RELN: variants seen among roughly 807,000 people sequenced by gnomAD.
RELN encodes the protein reelin.
A neutral mutation model predicts 427.6 loss-of-function variants in RELN; 108 were observed. The ratio of observed to expected loss-of-function variants is 0.25; its 90% CI spans 0.22 to 0.30. The LOEUF (loss-of-function observed/expected upper bound fraction) is 0.30, where lower values mean the gene tolerates loss of function less well. Among genes scored for constraint, RELN ranks in the 10% least tolerant of loss-of-function variants. The pLI is 1.00. For missense variants in RELN, 3,715 were observed against 4,302.8 expected, an observed-to-expected ratio of 0.86 and a Z score of 3.82; for synonymous variants, 1,524 against 1,513.4, an observed-to-expected ratio of 1.01 and a Z score of -0.16.
chr7:103,698,088 G>A lies in RELN; in HGVS notation c.908C>T (p.Pro303Leu). ...DWIQLEKIRAPSNVSTIIHIL... is the reference protein window; with the variant it reads ...DWIQLEKIRALSNVSTIIHIL... ...ATGGATGATTGTGCTGACATTGGAA[G>A]GGGCTCTGGAACATACAGAGAGATG... The change falls in exon 10 of 65, where the codon CCT becomes CTT. Residue 303 changes from proline (P) to leucine (L), a missense_variant. Physicochemically the swap from Pro to Leu is moderately conservative, Grantham distance 98 (BLOSUM62 -3). Around this residue, in one of 4 missense-constraint regions of RELN, gnomAD observed 2,208 missense variants for 2,361.7 expected, o/e 0.93. Coordinates refer to ENST00000428762, the MANE Select transcript of RELN (RefSeq NM_005045.4). 2 of 1,613,684 alleles carry A rather than the reference G, an allele frequency of 1.2e-6. No individual in the cohort carries two copies. Among genetic ancestry groups the A allele is most frequent in the Non-Finnish European group, 1.7e-6 (2 of 1,179,728 alleles).
rs537449240 is a variant in RELN at position 103,980,280 on chromosome 7, T to C, written c.226+8851A>G. Among the ~76,000 whole-genome samples, 19 of 152,204 alleles carry C rather than the reference T, an allele frequency of 1.2e-4. No individual in the cohort carries two copies. In the South Asian group the frequency reaches 3.5e-3, roughly 28 times the overall value. On this transcript the variant is annotated intron_variant, in intron 1 of 64. Coordinates refer to ENST00000428762, the MANE Select transcript of RELN (RefSeq NM_005045.4). ...TGTGTCATTATATTTTGAAGGCATG[T>C]TAACTCTTTCAGGCCAACAGTATAC...
chr7:103,799,692 G>T (rs1792396223), intron 3 of RELN, among the ~76,000 whole-genome samples: 1 of 152,142 alleles, frequency 6.6e-6, no homozygotes, highest in Non-Finnish European at 1.5e-5. Flanking sequence ...GCTGCTCACT[G>T]TAACTTTGAC....
At chr7:103,899,583 G>A (rs777009957) in intron 2 of RELN, among the ~76,000 whole-genome samples, 1 of 152,106 alleles carries the variant, frequency 6.6e-6, no homozygotes, top group South Asian at 2.1e-4. Context: ...ACATCAAAAA[G>A]CTTATCCACC....
At chr7:103,705,941 A>T (rs895661372) in intron 8 of RELN, among the ~76,000 whole-genome samples, 5 of 152,240 alleles carry the variant, frequency 3.3e-5, no homozygotes, top group African/African-American at 9.6e-5. Context: ...GAATATTTTA[A>T]AATTTCATTT....
Position 103,483,660 on chromosome 7 carries a change from C to G in RELN, c.10174G>C (p.Val3392Leu). 1 of 1,614,098 alleles carries G rather than the reference C, an allele frequency of 6.2e-7. No homozygotes were observed. Among genetic ancestry groups the G allele is most frequent in the Non-Finnish European group, 8.5e-7 (1 of 1,180,016 alleles). The change falls in exon 62 of 65, where the codon GTC becomes CTC. Residue 3392 changes from valine to leucine, a missense_variant. Transcript: ENST00000428762. Reference protein sequence around the residue: ...FTQAQRVSYNVPLEARMKGVL... With the variant: ...FTQAQRVSYNLPLEARMKGVL... Reference sequence around the variant, plus strand: ...TCCATTTGGGCCACTTACAGGGGGACATTGTAAGACACTCTCTGAGCTTGT... The same window carrying G: ...TCCATTTGGGCCACTTACAGGGGGAGATTGTAAGACACTCTCTGAGCTTGT...
At chr7:103,973,373 T>A (rs998480829) in intron 1 of RELN, among the ~76,000 whole-genome samples, 2 of 152,152 alleles carry the variant, frequency 1.3e-5, no homozygotes, top group Admixed American at 1.3e-4. Flanking sequence ...TAAAATATAG[T>A]AAGATAAGAA....
At chr7:103,947,078 T>C (rs919564206) in intron 1 of RELN, among the ~76,000 whole-genome samples, 2 of 152,186 alleles carry the variant, frequency 1.3e-5, no homozygotes, top group Non-Finnish European at 2.9e-5. Flanking sequence ...CTCTCAGCCA[T>C]CTTAAAACTA....
chr7:103,512,139 T>C (rs1222140184), intron 50 of RELN, among the ~76,000 whole-genome samples: 1 of 139,956 alleles, frequency 7.1e-6, no homozygotes, highest in African/African-American at 2.8e-5. Flanking sequence ...ACAGAAACTT[T>C]ATAGCTACTG....
At chr7:103,565,179 A>G in intron 34 of RELN, 99 bp downstream of exon 34, 6 of 1,452,392 alleles carry the variant, frequency 4.1e-6, no homozygotes. Context: ...CATAATTATC[A>G]TGAAAGAATA....
In RELN at chr7:103,989,400, C is replaced by T. The variant is rs1398484176; in HGVS notation, c.-44G>A. 1.5e-6 allele frequency: 2 copies of T among 1,370,000 alleles called. No individual in the cohort carries two copies. The highest frequency in any genetic ancestry group is 3.2e-5 in the East Asian group (1 of 31,550). 84.9% of individuals were successfully genotyped at this position (1,370,000 alleles called of 1,614,324 possible). A position where few individuals can be genotyped will look rare whatever the true frequency, so the allele number is the denominator to read the frequency against. On this transcript the variant is annotated 5_prime_UTR_variant, in exon 1 of 65. Transcript: ENST00000428762. This position sits in a 1 kb window ranked among gnomAD's most constrained non-coding sequence, Gnocchi z 4.9. Reference sequence around the variant, plus strand: ...GCCGCCGCGCGCCCTACGCGCCGCTCGCTCATTCAGTTTTGGAGACGCCGG... The same window carrying T: ...GCCGCCGCGCGCCCTACGCGCCGCTTGCTCATTCAGTTTTGGAGACGCCGG...
chr7:103,582,902 A>G (rs1257385183), intron 28 of RELN, among the ~76,000 whole-genome samples: 1 of 152,170 alleles, frequency 6.6e-6, no homozygotes, highest in Non-Finnish European at 1.5e-5. Context: ...TGCTTATTTT[A>G]TATGTCCAGT....
At chr7:103,651,899 A>G in intron 14 of RELN, 110 bp from the exon 15 acceptor site, 1 of 1,159,028 alleles carries the variant, frequency 8.6e-7, no homozygotes. Flanking sequence ...AAAACAGTGT[A>G]AAATTTTTTA....
chr7:103,631,544 G>A (rs564089738), intron 19 of RELN, among the ~76,000 whole-genome samples: 30 of 151,762 alleles, frequency 2.0e-4, no homozygotes, highest in Non-Finnish European at 2.8e-4. Flanking sequence ...TGCCTGCCTC[G>A]GCCTCCCAAA....
chr7:103,523,442 C>A lies in RELN; in HGVS notation c.7439G>T (p.Gly2480Val). 1 of 1,614,086 alleles carries A rather than the reference C, an allele frequency of 6.2e-7. No individual in the cohort carries two copies. The highest frequency in any genetic ancestry group is 8.5e-7 in the Non-Finnish European group (1 of 1,180,012). The change falls in exon 47 of 65, where the codon GGC becomes GTC. Residue 2480 changes from glycine to valine, a missense_variant. By Grantham distance (109) the Gly-to-Val change is moderately radical. This residue lies in a region of RELN where 1,310 missense variants were observed against 1,643.0 expected (regional missense o/e 0.80). Coordinates refer to ENST00000428762, the MANE Select transcript of RELN (RefSeq NM_005045.4). ...WAIDNVYIGD[G>V]CIDMCSGHGR... ...ATGGCCACTGCACATGTCTATGCAG[C>A]CATCCCCGATATAGACATTATCTAT...
At chr7:103,634,119 G>A (rs1019792294) in intron 19 of RELN, among the ~76,000 whole-genome samples, 6 of 152,012 alleles carry the variant, frequency 3.9e-5, no homozygotes, top group African/African-American at 7.2e-5. Flanking sequence ...GCAGTTCTAG[G>A]AAAAACTGTA....
intron 6 of RELN, among the ~76,000 whole-genome samples, chr7:103,741,875 G>C (rs546047867): frequency 1.3e-5 from 2 of 152,290 alleles, no homozygotes; most frequent in East Asian, 1.9e-4. Flanking sequence ...CGACGCAGAA[G>C]ATGGGTGATT....
At chr7:103,905,422 T>C (rs1007460120) in intron 2 of RELN, among the ~76,000 whole-genome samples, 1 of 152,184 alleles carries the variant, frequency 6.6e-6, no homozygotes, top group Admixed American at 6.5e-5. Flanking sequence ...GATTAACATA[T>C]ATTTGTATAG....
chr7:103,712,252 T>C (rs1040540151), intron 8 of RELN, among the ~76,000 whole-genome samples: 10 of 150,562 alleles, frequency 6.6e-5, no homozygotes, highest in African/African-American at 2.4e-4. Flanking sequence ...AATATACATG[T>C]AATGCATACA....
rs142054133 is a variant in RELN at position 103,791,643 on chromosome 7, T to C, written c.474-15016A>G. 7.9e-5 allele frequency among the ~76,000 whole-genome samples: 12 copies of C among 152,102 alleles called. No individual in the cohort carries two copies. The East Asian group carries it at 2.3e-3, about 29-fold the overall frequency. On this transcript the variant is annotated intron_variant, in intron 3 of 64. Coordinates refer to ENST00000428762, the MANE Select transcript of RELN (RefSeq NM_005045.4). Reference sequence around the variant, plus strand: ...ACTGTAAAACTCTTAAAGGAAAACATAGGGATAAATCTTCATGACTTGATA... The same window carrying C: ...ACTGTAAAACTCTTAAAGGAAAACACAGGGATAAATCTTCATGACTTGATA...
Sources: gnomAD v4.1 joint callset for allele counts (sites outside exome capture counted in the v4.1 genomes callset) on GRCh38, gnomAD v4.1.1 for gene constraint, gnomAD v4.1.1 regional missense constraint, Gnocchi (gnomAD v3.1) non-coding constraint, MANE v1.5 for transcripts, NCBI Gene and HGNC (gene_info 2026-07-23, HGNC 2026-07-21) for gene names.